Variants in LIPI observed in about 807,000 individuals in gnomAD.
The protein encoded by LIPI is lipase member I.
LIPI carries 59 observed loss-of-function variants against 50.6 expected under a neutral mutation model. That is an observed-to-expected ratio of 1.16 (90% CI 0.94 to 1.45). LIPI has a LOEUF of 1.45. LIPI is among the 40% of genes most tolerant of loss of function. LIPI has a pLI of 0.00. For synonymous variants in LIPI, 203 were observed against 178.2 expected, an observed-to-expected ratio of 1.14 and a Z score of -1.11; for missense variants, 586 against 536.3, an observed-to-expected ratio of 1.09 and a Z score of -0.92.
intron 3 of LIPI, among the ~76,000 whole-genome samples, 155 bp from the exon 4 acceptor site, chr21:14,182,014 G>A (rs998140868): frequency 2.6e-5 from 4 of 152,156 alleles, no homozygotes; most frequent in Admixed American, 2.6e-4. Flanking sequence ...GGAAGTGAAT[G>A]AATAGCAGGT....
At chr21:14,157,190 A>T (rs1302830943) in intron 7 of LIPI, among the ~76,000 whole-genome samples, 5 of 151,904 alleles carry the variant, frequency 3.3e-5, no homozygotes, top group Non-Finnish European at 1.5e-5. Flanking sequence ...ATTAAAAAGA[A>T]TCCTGACTTG....
At chr21:14,185,916 A>T (rs751393865) in intron 3 of LIPI, 45 bp downstream of exon 3, 84 of 1,112,910 alleles carry the variant, frequency 7.5e-5, no homozygotes, top group Non-Finnish European at 1.1e-4. Context: ...AACTTCTGAT[A>T]CTTAAAAGTA....
chr21:14,127,742 A>C (rs1048088365), intron 9 of LIPI, among the ~76,000 whole-genome samples: 3 of 152,164 alleles, frequency 2.0e-5, no homozygotes, highest in African/African-American at 4.8e-5. Context: ...TGCAGAGAAC[A>C]ATGGTTGTGT....
Position 14,156,440 on chromosome 21 carries a change from C to T in LIPI, c.1007-3756G>A, listed in dbSNP as rs558033054. Among the ~76,000 whole-genome samples, 25 of 151,986 alleles carry T rather than the reference C, an allele frequency of 1.6e-4. 1 individual carries two copies. In the South Asian group the frequency reaches 5.0e-3, roughly 30 times the overall value. On this transcript the variant is annotated intron_variant, in intron 7 of 9. Coordinates refer to ENST00000681601, the MANE Select transcript of LIPI (RefSeq NM_001302998.2). ...AAGGCCACAAGCCAACAAATATGAA[C>T]AATTTCTAGAGCTGGAAAAGTTAAG... is the stretch of plus-strand genomic sequence containing the variant.
intron 4 of LIPI, among the ~76,000 whole-genome samples, chr21:14,169,725 G>A (rs1046702959): frequency 6.6e-6 from 1 of 151,868 alleles, no homozygotes; most frequent in Non-Finnish European, 1.5e-5. Flanking sequence ...TGTGTAGAGG[G>A]AAATTTGTAG....
intron 9 of LIPI, among the ~76,000 whole-genome samples, chr21:14,141,185 C>A (rs908388470): frequency 6.6e-6 from 1 of 151,904 alleles, no homozygotes; most frequent in Non-Finnish European, 1.5e-5. Flanking sequence ...TTATTACATC[C>A]GTAGTTAGTT....
intron 9 of LIPI, among the ~76,000 whole-genome samples, chr21:14,125,700 G>A (rs2017034369): frequency 1.3e-5 from 2 of 148,514 alleles, no homozygotes; most frequent in Admixed American, 1.4e-4. Context: ...TAGGACTACA[G>A]GCATGTGCCA....
intron 1 of LIPI, among the ~76,000 whole-genome samples, chr21:14,205,925 T>C (rs1295272317): frequency 6.6e-6 from 1 of 152,136 alleles, no homozygotes. Flanking sequence ...AGGTACATAA[T>C]ATAGAATTTT....
intron 1 of LIPI, among the ~76,000 whole-genome samples, chr21:14,196,072 T>G (rs559976699): frequency 5.6e-4 from 84 of 151,254 alleles, no homozygotes; most frequent in African/African-American, 2.0e-3. Context: ...AACTTGTGGA[T>G]GTTAATGCAT....
intron 9 of LIPI, among the ~76,000 whole-genome samples, chr21:14,117,820 G>A (rs965799767): frequency 6.6e-6 from 1 of 152,104 alleles, no homozygotes; most frequent in African/African-American, 2.4e-5. Context: ...GGCAACCAAA[G>A]TGTTTGTAAA....
chr21:14,153,301 A>AC (rs1555851566), intron 7 of LIPI, among the ~76,000 whole-genome samples: 1 of 151,938 alleles, frequency 6.6e-6, no homozygotes, highest in Non-Finnish European at 1.5e-5. Context: ...AGTTTTGTGC[A>AC]CCCCCCTTCT....
chr21:14,110,766 T>G (rs2016374003), intron 9 of LIPI, among the ~76,000 whole-genome samples: 1 of 151,826 alleles, frequency 6.6e-6, no homozygotes, highest in South Asian at 2.1e-4. Context: ...ATACTTAACA[T>G]AATGTCCTTC....
chr21:14,139,678 A>C (rs904881830), intron 9 of LIPI, among the ~76,000 whole-genome samples: 7 of 152,186 alleles, frequency 4.6e-5, no homozygotes, highest in African/African-American at 7.2e-5. Flanking sequence ...AATTCCAGGT[A>C]AGAGGATTGA....
Position 14,169,136 on chromosome 21 carries a change from A to G in LIPI, c.644-2685T>C, listed in dbSNP as rs569687715. ...AAAGAAGGCCATTACATAATGGTAAAGGGATCAATTCAACAAGAAGAGCTA... is the reference window on the plus strand; with the variant it reads ...AAAGAAGGCCATTACATAATGGTAAGGGGATCAATTCAACAAGAAGAGCTA... On this transcript the variant is annotated intron_variant, in intron 4 of 9. Coordinates refer to ENST00000681601, the MANE Select transcript of LIPI (RefSeq NM_001302998.2). Among the ~76,000 whole-genome samples, 920 of 152,342 alleles carry G rather than the reference A, an allele frequency of 6.0e-3. 6 individuals carry two copies. Among genetic ancestry groups the G allele is most frequent in the Non-Finnish European group, 9.5e-3 (647 of 68,036 alleles).
At chr21:14,192,048 T>C (rs977070240) in intron 1 of LIPI, among the ~76,000 whole-genome samples, 2 of 152,234 alleles carry the variant, frequency 1.3e-5, no homozygotes, top group African/African-American at 4.8e-5. Context: ...CTGCTTAACA[T>C]CAAATCCCAC....
chr21:14,171,012 C>A (rs1412449736), intron 4 of LIPI, among the ~76,000 whole-genome samples: 1 of 150,948 alleles, frequency 6.6e-6, no homozygotes, highest in African/African-American at 2.4e-5. Flanking sequence ...GCAACTTCAG[C>A]AAAGTCTCAG....
chr21:14,171,709 A>T (rs987354740), intron 4 of LIPI, among the ~76,000 whole-genome samples: 1 of 152,060 alleles, frequency 6.6e-6, no homozygotes, highest in Non-Finnish European at 1.5e-5. Flanking sequence ...TTATACAAAA[A>T]TTAATTCAAG....
chr21:14,170,422 T>G (rs1233471938), intron 4 of LIPI, among the ~76,000 whole-genome samples: 1 of 152,104 alleles, frequency 6.6e-6, no homozygotes, highest in Non-Finnish European at 1.5e-5. Context: ...AAAAGAGAAT[T>G]TTAGACCAAT....
intron 7 of LIPI, among the ~76,000 whole-genome samples, chr21:14,155,711 A>G (rs1309739578): frequency 1.3e-5 from 2 of 152,032 alleles, no homozygotes; most frequent in African/African-American, 4.8e-5. Flanking sequence ...CTCAAATCTT[A>G]CATCCAACAA....
Sources: gnomAD v4.1 joint callset for allele counts (sites outside exome capture counted in the v4.1 genomes callset) on GRCh38, gnomAD v4.1.1 for gene constraint, MANE v1.5 for transcripts, NCBI Gene and HGNC (gene_info 2026-07-23, HGNC 2026-07-21) for gene names.